Variants in AP2A2 observed in about 807,000 individuals in gnomAD.
The protein encoded by AP2A2 is adaptor related protein complex 2 subunit alpha 2.
A neutral mutation model predicts 104.2 loss-of-function variants in AP2A2; 32 were observed. The ratio of observed to expected loss-of-function variants is 0.31; its 90% CI spans 0.23 to 0.41. The LOEUF (loss-of-function observed/expected upper bound fraction) is 0.41, where lower values mean the gene tolerates loss of function less well. Among genes scored for constraint, AP2A2 ranks in the 10% least tolerant of loss-of-function variants. The pLI is 1.00. For synonymous variants in AP2A2, 539 were observed against 533.3 expected (o/e 1.01, Z -0.15); for missense variants, 912 against 1,261.0 (o/e 0.72, Z 4.19).
intron 3 of AP2A2, 138 bp downstream of exon 3, chr11:970,449 C>G: frequency 9.0e-7 from 1 of 1,114,354 alleles, no homozygotes; most frequent in Non-Finnish European, 1.3e-6. Context: ...CAGATGGAGA[C>G]GCGTGCCCAG....
chr11:952,915 A>G (rs1272841038), intron 1 of AP2A2, among the ~76,000 whole-genome samples: 2 of 152,180 alleles, frequency 1.3e-5, no homozygotes, highest in Non-Finnish European at 2.9e-5. Flanking sequence ...AGATCAGTGC[A>G]GTGTCAGTGG....
At chr11:959,906 G>T (rs1184503858) in intron 2 of AP2A2, among the ~76,000 whole-genome samples, 1 of 152,258 alleles carries the variant, frequency 6.6e-6, no homozygotes, top group African/African-American at 2.4e-5. Flanking sequence ...GTGAGCCAGT[G>T]TGTGGGCTGA....
intron 2 of AP2A2, among the ~76,000 whole-genome samples, chr11:965,374 G>C (rs1044236998): frequency 6.6e-6 from 1 of 152,214 alleles, no homozygotes; most frequent in African/African-American, 2.4e-5. Context: ...AGTTTCTTCA[G>C]TAGTGCAGTG....
At chr11:939,467 C>T (rs978435102) in intron 1 of AP2A2, among the ~76,000 whole-genome samples, 2 of 151,404 alleles carry the variant, frequency 1.3e-5, no homozygotes, top group African/African-American at 2.4e-5. Flanking sequence ...TTTTTTGAGA[C>T]GGGGTTTCGC....
chr11:993,415 G>A lies in AP2A2; in HGVS notation c.1550+34G>A, dbSNP rs770539814. ...CCCTTTGCGAGTCGGGGCTGTGTGCGCTCCGGCGGGCCTCTCGGTGGTCGG... is the reference window on the plus strand; with the variant it reads ...CCCTTTGCGAGTCGGGGCTGTGTGCACTCCGGCGGGCCTCTCGGTGGTCGG... On this transcript the variant is annotated intron_variant, in intron 12 of 21. Transcript: ENST00000448903. The surrounding 1 kb of genome is among the most constrained non-coding windows in gnomAD (Gnocchi z 8.2). 5.2e-5 allele frequency: 79 copies of A among 1,524,194 alleles called. No individual in the cohort carries two copies. The highest frequency in any genetic ancestry group is 5.4e-5 in the Non-Finnish European group (61 of 1,132,670). The allele number at this position is 1,524,194 out of a possible 1,614,324, so 94.4% of individuals were successfully genotyped here.
chr11:985,311 G>A, intron 7 of AP2A2, 124 bp from the exon 8 acceptor site: 1 of 1,282,912 alleles, frequency 7.8e-7, no homozygotes. Flanking sequence ...GCTTCCAGCT[G>A]GGTACACAAA....
intron 2 of AP2A2, among the ~76,000 whole-genome samples, chr11:965,122 C>T (rs113872057): frequency 2.4e-3 from 1 of 414 alleles, no homozygotes. Flanking sequence ...ATGGAACGGG[C>T]GGGAAATTAA....
At chr11:988,989 T>C (rs1228160540) in intron 10 of AP2A2, among the ~76,000 whole-genome samples, 8 of 151,742 alleles carry the variant, frequency 5.3e-5, no homozygotes, top group Non-Finnish European at 1.0e-4. Context: ...AGCGAGACCC[T>C]GTCTTAAAAA....
intron 1 of AP2A2, among the ~76,000 whole-genome samples, chr11:929,112 G>A (rs551770803): frequency 1.2e-4 from 19 of 152,298 alleles, no homozygotes; most frequent in African/African-American, 3.6e-4. Flanking sequence ...ATGTATATAC[G>A]TATTGAGTTA....
intron 21 of AP2A2, chr11:1,010,169 G>C: frequency 4.3e-6 from 2 of 470,344 alleles, no homozygotes; most frequent in East Asian, 3.5e-5. Flanking sequence ...GTTCCTCTCT[G>C]TCACCGCGTT....
At chr11:949,901 G>A (rs182672953) in intron 1 of AP2A2, among the ~76,000 whole-genome samples, 1 of 152,168 alleles carries the variant, frequency 6.6e-6, no homozygotes, top group East Asian at 1.9e-4. Context: ...CATAAAGGAT[G>A]AAAAAATGCC....
chr11:972,375 A>C, intron 4 of AP2A2, 120 bp downstream of exon 4: 1 of 1,147,282 alleles, frequency 8.7e-7, no homozygotes, highest in Non-Finnish European at 1.2e-6. Context: ...ATGGGAGATG[A>C]GATGTAGCCT....
chr11:996,070 T>G (rs1590011273), intron 14 of AP2A2: 1 of 152,084 alleles, frequency 6.6e-6, no homozygotes, highest in East Asian at 1.9e-4. Flanking sequence ...CTCTAATCCA[T>G]CTCTCCCTCT....
At chr11:932,294 T>A (rs1853315802) in intron 1 of AP2A2, among the ~76,000 whole-genome samples, 1 of 152,276 alleles carries the variant, frequency 6.6e-6, no homozygotes, top group South Asian at 2.1e-4. Context: ...CTTTGAATTG[T>A]GTTTCAGTGG....
chr11:984,531 A>G (rs1398703659), intron 6 of AP2A2, 114 bp from the exon 7 acceptor site: 5 of 922,370 alleles, frequency 5.4e-6, no homozygotes, highest in Non-Finnish European at 6.8e-6. Flanking sequence ...ACATGAAACA[A>G]AACCATTTTT....
chr11:1,008,952 A>G, intron 18 of AP2A2, 148 bp from the exon 19 acceptor site: 1 of 639,642 alleles, frequency 1.6e-6, no homozygotes, highest in Middle Eastern at 4.3e-4. Context: ...GCCACACACG[A>G]TCCGTGGGGA....
At position 965,547 on chromosome 11, in the gene AP2A2, G is replaced by C. The variant is rs996780701; in HGVS notation, c.137-4622G>C. Among the ~76,000 whole-genome samples, 11 of 152,330 alleles carry C rather than the reference G, an allele frequency of 7.2e-5. No individual in the cohort carries two copies. In the East Asian group the frequency reaches 2.1e-3, roughly 29 times the overall value. ...AGTGTTCATGTCAGTCCCAACTTTG[G>C]CTTTAAGGGAGTCTCCCCTCTGGGC... On this transcript the variant is annotated intron_variant, in intron 2 of 21. Coordinates refer to ENST00000448903, the MANE Select transcript of AP2A2 (RefSeq NM_012305.4).
intron 1 of AP2A2, among the ~76,000 whole-genome samples, chr11:926,978 A>G (rs1853141053): frequency 6.6e-6 from 1 of 152,104 alleles, no homozygotes; most frequent in Admixed American, 6.5e-5. Flanking sequence ...CCATCTCCTT[A>G]TTTAATTTGA....
At chr11:972,000 C>T (rs1221152821) in intron 3 of AP2A2, 62 bp from the exon 4 acceptor site, 1 of 1,491,846 alleles carries the variant, frequency 6.7e-7, no homozygotes, top group Non-Finnish European at 9.1e-7. Flanking sequence ...TTGGGTGACT[C>T]AGGGCCACAG....
Sources: allele counts gnomAD v4.1 joint callset (sites outside exome capture counted in the v4.1 genomes callset), GRCh38; gene constraint gnomAD v4.1.1; non-coding constraint Gnocchi (gnomAD v3.1); transcripts MANE v1.5; gene names NCBI Gene and HGNC (gene_info 2026-07-23, HGNC 2026-07-21).